The following ADGRV1 variants were observed in gnomAD, a reference collection of about 807,000 sequenced individuals.
ADGRV1 encodes the protein G-protein coupled receptor 98.
Under a neutral mutation model 596.2 loss-of-function variants are expected in ADGRV1, and 359 were observed. The observed-to-expected ratio is 0.60, with a 90% CI of 0.55 to 0.66. The LOEUF (loss-of-function observed/expected upper bound fraction) is 0.66. Among genes scored for constraint, ADGRV1 ranks in the 30% least tolerant of loss-of-function variants. The probability of loss-of-function intolerance (pLI) is 0.00; values close to 1 mark genes in which losing one functional copy is unlikely to be tolerated. For missense variants in ADGRV1, 7,274 were observed against 7,575.6 expected (o/e 0.96, Z 1.48); for synonymous variants, 2,681 against 2,679.2 (o/e 1.00, Z -0.02).
chr5:90,726,944 A>C (rs970616740), intron 48 of ADGRV1, among the ~76,000 whole-genome samples: 2 of 152,196 alleles, frequency 1.3e-5, no homozygotes, highest in African/African-American at 4.8e-5. Flanking sequence ...TTTTTGGTAC[A>C]TAATATTTAA....
intron 69 of ADGRV1, among the ~76,000 whole-genome samples, chr5:90,790,433 A>G (rs940046005): frequency 6.6e-6 from 1 of 152,224 alleles, no homozygotes; most frequent in Non-Finnish European, 1.5e-5. Flanking sequence ...TTTTGAGGCC[A>G]GCAATTCTTG....
intron 50 of ADGRV1, among the ~76,000 whole-genome samples, chr5:90,742,917 G>A (rs1754140353): frequency 6.6e-6 from 1 of 152,206 alleles, no homozygotes; most frequent in African/African-American, 2.4e-5. Flanking sequence ...TGTAACTTTT[G>A]TGGTGGTGAT....
rs537537955 is a variant in ADGRV1, at chr5:91,126,487, C to G, written c.18433-23543C>G. 7.9e-5 allele frequency among the ~76,000 whole-genome samples: 12 copies of G among 152,276 alleles called. No individual in the cohort carries two copies. In the South Asian group the frequency reaches 2.5e-3, roughly 32 times the overall value. ...TAGCTAAAGGTTACATGCTTTGCCT[C>G]AAATAATAGACTTAGTGAAGAGGGT... On this transcript the variant is annotated intron_variant, in intron 87 of 89. Coordinates refer to ENST00000405460, the MANE Select transcript of ADGRV1 (RefSeq NM_032119.4).
chr5:90,646,471 AG>A (rs1396034418), intron 16 of ADGRV1, among the ~76,000 whole-genome samples: 1 of 151,964 alleles, frequency 6.6e-6, no homozygotes, highest in Non-Finnish European at 1.5e-5. Flanking sequence ...TAGTTGGTTC[AG>A]GGCTAGATTA....
At chr5:90,739,210 G>T (rs914313227) in intron 50 of ADGRV1, among the ~76,000 whole-genome samples, 24 of 151,528 alleles carry the variant, frequency 1.6e-4, no homozygotes, top group Non-Finnish European at 2.8e-4. Context: ...TTTCCAAATT[G>T]CATTTACTGT....
rs1010936911 is a variant in ADGRV1, at chr5:90,596,294, TCA to T, written c.23-18539_23-18538del. Among the ~76,000 whole-genome samples the T allele has an allele frequency of 1.3e-3, 193 of 150,048 alleles. 8 individuals carry two copies. Among genetic ancestry groups the T allele is most frequent in the Admixed American group, 0.013 (190 of 15,082 alleles). On this transcript the variant is annotated intron_variant, in intron 1 of 89. Coordinates refer to ENST00000405460, the MANE Select transcript of ADGRV1 (RefSeq NM_032119.4). Reference sequence around the variant, plus strand: ...GATGGCCGCCGGGCAGAGACGCTCCTCACTTTCCAGACTGGGCAACCAGGCAG... The same window carrying T: ...GATGGCCGCCGGGCAGAGACGCTCCTCTTTCCAGACTGGGCAACCAGGCAG...
At chr5:90,894,967 C>T (rs558178545) in intron 83 of ADGRV1, among the ~76,000 whole-genome samples, 3 of 152,110 alleles carry the variant, frequency 2.0e-5, no homozygotes, top group Admixed American at 1.3e-4. Flanking sequence ...CTTGCTCTGT[C>T]ACCTAGGCCA....
At position 90,759,409 on chromosome 5, in the gene ADGRV1, G is replaced by C; in HGVS notation, c.11941G>C (p.Val3981Leu). ...CTCCCTTCCTTCCTTTCTTTCATAG[G>C]TTACTGCAATGATAGAAATCACCAT... ...HGILEFADKQ[V>L]TAMIEITIID... The change falls in exon 58 of 90, where the codon GTT (valine) becomes CTT (leucine). Residue 3981 changes from valine to leucine, a missense_variant and splice_region_variant. Around this residue, in one of 5 missense-constraint regions of ADGRV1, gnomAD observed 3,643 missense variants for 3,809.2 expected, o/e 0.96. Transcript: ENST00000405460. The C allele has an allele frequency of 6.5e-7, 1 of 1,545,022 alleles. No individual in the cohort carries two copies. The highest frequency in any genetic ancestry group is 8.8e-7 in the Non-Finnish European group (1 of 1,140,208).
At chr5:90,597,658 T>C (rs903530129) in intron 1 of ADGRV1, among the ~76,000 whole-genome samples, 2 of 151,522 alleles carry the variant, frequency 1.3e-5, no homozygotes, top group African/African-American at 4.9e-5. Context: ...GAAACCAGGC[T>C]GAGAATGGGA....
chr5:91,124,658 A>T (rs1161626849), intron 87 of ADGRV1, among the ~76,000 whole-genome samples: 1 of 152,202 alleles, frequency 6.6e-6, no homozygotes, highest in Non-Finnish European at 1.5e-5. Context: ...AAAATGACAG[A>T]TGGGACAAAA....
chr5:91,102,556 A>C (rs551124385), intron 87 of ADGRV1, among the ~76,000 whole-genome samples: 1 of 152,366 alleles, frequency 6.6e-6, no homozygotes, highest in Non-Finnish European at 1.5e-5. Context: ...ATTAGGGAAG[A>C]CAAAATATTT....
chr5:90,866,313 A>ATGTGTGTGTGTGTGTG (rs768538026), intron 83 of ADGRV1, among the ~76,000 whole-genome samples: 52 of 20,514 alleles, frequency 2.5e-3, no homozygotes, highest in Middle Eastern at 0.024. Flanking sequence ...GTGTATGTGT[A>ATGTGTGTGTGTGTGTG]TATGTGTGTG....
intron 85 of ADGRV1, among the ~76,000 whole-genome samples, chr5:91,000,865 T>C (rs1316037583): frequency 6.6e-6 from 1 of 152,120 alleles, no homozygotes; most frequent in African/African-American, 2.4e-5. Flanking sequence ...TGAAGGCTAT[T>C]GGGCAGGAAG....
At chr5:90,977,669 G>A (rs1779727896) in intron 84 of ADGRV1, among the ~76,000 whole-genome samples, 1 of 152,046 alleles carries the variant, frequency 6.6e-6, no homozygotes, top group African/African-American at 2.4e-5. Flanking sequence ...TTTTCTATCT[G>A]GATATTGGGA....
intron 48 of ADGRV1, among the ~76,000 whole-genome samples, chr5:90,728,181 G>A (rs1413398871): frequency 6.6e-6 from 1 of 152,108 alleles, no homozygotes; most frequent in African/African-American, 2.4e-5. Context: ...TTGCATTTAT[G>A]AACACTTACC....
intron 1 of ADGRV1, among the ~76,000 whole-genome samples, chr5:90,564,948 T>C (rs1177038168): frequency 5.9e-5 from 9 of 151,674 alleles, no homozygotes; most frequent in African/African-American, 1.2e-4. Flanking sequence ...ATTTAAAAAG[T>C]TGTGGCCTGG....
intron 3 of ADGRV1, among the ~76,000 whole-genome samples, chr5:90,618,341 G>A (rs1455884995): frequency 6.6e-6 from 1 of 152,152 alleles, no homozygotes; most frequent in African/African-American, 2.4e-5. Context: ...GGAGGTCCCT[G>A]TGACTTAAAT....
chr5:90,577,769 A>G (rs564298707), intron 1 of ADGRV1, among the ~76,000 whole-genome samples: 1 of 152,152 alleles, frequency 6.6e-6, no homozygotes, highest in South Asian at 2.1e-4. Context: ...TTCTTCCATT[A>G]GTTTGTGTCC....
In ADGRV1 at chr5:90,643,994, CTG is replaced by C. The variant is rs1561445036; in HGVS notation, c.2734+15_2734+16del. The C allele has an allele frequency of 1.3e-6, 2 of 1,535,448 alleles. No individual in the cohort carries two copies. Among genetic ancestry groups the C allele is most frequent in the South Asian group, 2.5e-5 (2 of 80,776 alleles). ...ATGCTATCTATAGTGGTAATTTATTCTGTGTCTTATATTGTATTTCTGTTTAC... is the reference window on the plus strand; with the variant it reads ...ATGCTATCTATAGTGGTAATTTATTCTGTCTTATATTGTATTTCTGTTTAC... On this transcript the variant is annotated intron_variant, in intron 14 of 89. Transcript: ENST00000405460.
Sources: allele counts gnomAD v4.1 joint callset (sites outside exome capture counted in the v4.1 genomes callset), GRCh38; gene constraint gnomAD v4.1.1; regional missense constraint gnomAD v4.1.1; transcripts MANE v1.5; gene names NCBI Gene and HGNC (gene_info 2026-07-23, HGNC 2026-07-21).